The following EPG5 variants were observed in gnomAD, a reference collection of about 807,000 sequenced individuals.
EPG5 encodes the protein ectopic P-granules 5 autophagy tethering factor.
Under a neutral mutation model 302.7 loss-of-function variants are expected in EPG5, and 159 were observed. That is an observed-to-expected ratio of 0.53 (90% CI 0.46 to 0.60). EPG5 has a LOEUF of 0.60. Among genes scored for constraint, EPG5 ranks in the 20% least tolerant of loss-of-function variants. The pLI is 0.00. For missense variants in EPG5, 2,896 were observed against 3,092.4 expected, an observed-to-expected ratio of 0.94 and a Z score of 1.51; for synonymous variants, 1,158 against 1,136.8, an observed-to-expected ratio of 1.02 and a Z score of -0.37.
At chr18:45,922,691 C>T in intron 15 of EPG5, 91 bp from the exon 16 acceptor site, 1 of 1,426,854 alleles carries the variant, frequency 7.0e-7, no homozygotes, top group Non-Finnish European at 9.6e-7. Context: ...ACCAACAATG[C>T]CCTCAACGCA....
the EPG5 span, among the ~76,000 whole-genome samples, chr18:45,811,371 C>A: frequency 2.4e-4 from 36 of 152,232 alleles, no homozygotes; most frequent in East Asian, 4.6e-3. Context: ...GAAACTATTC[C>A]AATCAATAGA....
At chr18:45,826,337 G>A in the EPG5 span, among the ~76,000 whole-genome samples, 37 of 152,218 alleles carry the variant, frequency 2.4e-4, no homozygotes, top group East Asian at 1.5e-3. Context: ...CACTTAGCTC[G>A]GTGACTTGGT....
In EPG5 at chr18:45,948,265, C is replaced by T. The variant is rs557669538; in HGVS notation, c.1571+238G>A. Among the ~76,000 whole-genome samples, 4 of 152,336 alleles carry T rather than the reference C, an allele frequency of 2.6e-5. No individual in the cohort carries two copies. In the Middle Eastern group the frequency reaches 0.014, roughly 518 times the overall value. ...CCTTTTTTGTCTGTAGCACCTTTCACAATAGTATATATGACCCACTAAAAG... is the reference window on the plus strand; with the variant it reads ...CCTTTTTTGTCTGTAGCACCTTTCATAATAGTATATATGACCCACTAAAAG... On this transcript the variant is annotated intron_variant, in intron 6 of 43. Transcript: ENST00000282041.
At chr18:45,818,402 C>T in the EPG5 span, among the ~76,000 whole-genome samples, 6 of 152,058 alleles carry the variant, frequency 3.9e-5, no homozygotes, top group African/African-American at 1.4e-4. Flanking sequence ...ATTGATTATG[C>T]CTAATTGTTT....
chr18:45,866,264 C>A (rs1205136247), intron 38 of EPG5, among the ~76,000 whole-genome samples: 4 of 151,878 alleles, frequency 2.6e-5, no homozygotes, highest in Non-Finnish European at 5.9e-5. Context: ...GGAATACAGG[C>A]ACCTGCCACC....
In EPG5 at chr18:45,887,804, G is replaced by A. The variant is rs746611209; in HGVS notation, c.5056C>T (p.Arg1686Cys). The change falls in exon 29 of 44, where the codon CGT (arginine) becomes TGT (cysteine). Residue 1686 changes from arginine (R) to cysteine (C), a missense_variant. By Grantham distance (180) the Arg-to-Cys change is radical. This residue lies in a region of EPG5 where 790 missense variants were observed against 798.0 expected (regional missense o/e 0.99). Coordinates refer to ENST00000282041, the MANE Select transcript of EPG5 (RefSeq NM_020964.3). Reference sequence around the variant, plus strand: ...AAGAACTGCCTTGTTGGGGGATGACGCTGCGTCTCATCGCTGACGTAATCC... The same window carrying A: ...AAGAACTGCCTTGTTGGGGGATGACACTGCGTCTCATCGCTGACGTAATCC... ...IVDYVSDETQ[R>C]HPPTRQFFTS... is the part of the protein sequence containing the mutation. 3 of 1,601,574 alleles carry A rather than the reference G, an allele frequency of 1.9e-6. No individual in the cohort carries two copies. The highest frequency in any genetic ancestry group is 2.2e-5 in the East Asian group (1 of 44,564).
intron 16 of EPG5, among the ~76,000 whole-genome samples, chr18:45,922,028 G>T (rs1741536926): frequency 6.6e-6 from 1 of 150,778 alleles, no homozygotes; most frequent in Non-Finnish European, 1.5e-5. Context: ...TACTACAGGT[G>T]ATCAATTATT....
At chr18:45,907,890 A>T in intron 24 of EPG5, 68 bp downstream of exon 24, 4 of 1,417,322 alleles carry the variant, frequency 2.8e-6, no homozygotes, top group Non-Finnish European at 3.8e-6. Flanking sequence ...TATTATGAAT[A>T]TGACCAGTTC....
chr18:45,905,118 C>T (rs987913644), intron 24 of EPG5, among the ~76,000 whole-genome samples: 1 of 152,160 alleles, frequency 6.6e-6, no homozygotes, highest in African/African-American at 2.4e-5. Context: ...TCCCTACACT[C>T]CCATGGGCTG....
chr18:45,929,869 G>T (rs1568164536), intron 12 of EPG5, among the ~76,000 whole-genome samples: 1 of 152,180 alleles, frequency 6.6e-6, no homozygotes, highest in Non-Finnish European at 1.5e-5. Flanking sequence ...GAACATCCAG[G>T]TTTGTCATTC....
At chr18:45,837,544 GCCAC>G in the EPG5 span, 1 of 1,517,182 alleles carries the variant, frequency 6.6e-7, no homozygotes. Context: ...CCATGCAGGT[GCCAC>G]CCGAGGTGAG....
At chr18:45,842,018 T>A in the EPG5 span, 23 of 1,216,982 alleles carry the variant, frequency 1.9e-5, no homozygotes, top group Non-Finnish European at 2.7e-5. Context: ...GAATGTCTCC[T>A]CTTCTTGGCC....
intron 2 of EPG5, among the ~76,000 whole-genome samples, chr18:45,954,176 G>A (rs184773604): frequency 2.0e-4 from 30 of 152,290 alleles, no homozygotes; most frequent in Middle Eastern, 6.8e-3. Context: ...TCTAAACCAG[G>A]CATGGGCTGG....
At position 45,927,241 on chromosome 18, in the gene EPG5, G is replaced by A. The variant is rs146365358; in HGVS notation, c.2554-1339C>T. Among the ~76,000 whole-genome samples the A allele has an allele frequency of 5.7e-3, 866 of 151,874 alleles. 16 individuals are homozygous for A. The highest frequency in any genetic ancestry group is 0.02 in the African/African-American group (833 of 41,424). On this transcript the variant is annotated intron_variant, in intron 13 of 43. Coordinates refer to ENST00000282041, the MANE Select transcript of EPG5 (RefSeq NM_020964.3). ...TTTTTAGTAGAGACGGGATTTCACC[G>A]TGTTAGCCAGGATGGTCTCGATCTC...
intron 9 of EPG5, among the ~76,000 whole-genome samples, chr18:45,941,427 G>A (rs2050665106): frequency 6.6e-6 from 1 of 152,168 alleles, no homozygotes; most frequent in African/African-American, 2.4e-5. Flanking sequence ...GGAAAAGCAA[G>A]TTCAAGTGAG....
chr18:45,885,170 C>T (rs777143077), intron 29 of EPG5, among the ~76,000 whole-genome samples: 54 of 152,186 alleles, frequency 3.5e-4, no homozygotes, highest in Middle Eastern at 6.8e-3. Context: ...GAAACCCCGT[C>T]TCTACTAAAA....
chr18:45,857,684 A>T, intron 42 of EPG5, 169 bp downstream of exon 42: 1 of 580,272 alleles, frequency 1.7e-6, no homozygotes, highest in Non-Finnish European at 3.0e-6. Flanking sequence ...TTTAGAATGT[A>T]AAGATGTAAT....
intron 11 of EPG5, among the ~76,000 whole-genome samples, chr18:45,934,402 A>G (rs755402740): frequency 1.3e-5 from 2 of 152,246 alleles, no homozygotes; most frequent in Non-Finnish European, 2.9e-5. Flanking sequence ...CTACATCTTT[A>G]GTTCATAAAA....
At chr18:45,945,245 C>G (rs937018019) in intron 7 of EPG5, among the ~76,000 whole-genome samples, 2 of 152,192 alleles carry the variant, frequency 1.3e-5, no homozygotes, top group Non-Finnish European at 2.9e-5. Flanking sequence ...TAGTTCTCAA[C>G]TTAGCTATTC....
Sources: allele counts gnomAD v4.1 joint callset (sites outside exome capture counted in the v4.1 genomes callset), GRCh38; gene constraint gnomAD v4.1.1; regional missense constraint gnomAD v4.1.1; transcripts MANE v1.5; gene names NCBI Gene and HGNC (gene_info 2026-07-23, HGNC 2026-07-21).